PTPRG: variants seen among roughly 807,000 people sequenced by gnomAD.
PTPRG encodes receptor-type tyrosine-protein phosphatase gamma.
A neutral mutation model predicts 165.3 loss-of-function variants in PTPRG; 102 were observed. That is an observed-to-expected ratio of 0.62 (90% confidence interval 0.53 to 0.73). The LOEUF (loss-of-function observed/expected upper bound fraction) is 0.73, where lower values mean the gene tolerates loss of function less well. PTPRG is among the 30% of genes least tolerant of loss of function. PTPRG has a pLI of 0.00. For missense variants in PTPRG, 1,866 were observed against 1,861.4 expected, an observed-to-expected ratio of 1.00 and a Z score of -0.05; for synonymous variants, 675 against 669.5, an observed-to-expected ratio of 1.01 and a Z score of -0.13.
intron 10 of PTPRG, among the ~76,000 whole-genome samples, chr3:62,200,939 A>T (rs1396469580): frequency 6.6e-6 from 1 of 152,214 alleles, no homozygotes; most frequent in Non-Finnish European, 1.5e-5. Flanking sequence ...AGAAATCATG[A>T]CCAAAAAGAT....
intron 2 of PTPRG, among the ~76,000 whole-genome samples, chr3:61,798,137 A>G (rs1157446709): frequency 6.6e-6 from 1 of 152,212 alleles, no homozygotes; most frequent in Admixed American, 6.5e-5. Context: ...TCTTATAGGA[A>G]TAAACTCTCT....
At chr3:61,810,741 C>G (rs1341497808) in intron 2 of PTPRG, among the ~76,000 whole-genome samples, 1 of 152,110 alleles carries the variant, frequency 6.6e-6, no homozygotes, top group Non-Finnish European at 1.5e-5. Flanking sequence ...CATGGAGATC[C>G]AAAGAAACTA....
rs145760960 is a variant in PTPRG at position 61,734,984 on chromosome 3, G to A, written c.86-13894G>A. On this transcript the variant is annotated intron_variant, in intron 1 of 29. Coordinates refer to ENST00000474889, the MANE Select transcript of PTPRG (RefSeq NM_002841.4). The stretch of plus-strand genomic sequence containing the variant: ...TATAGCATAATTGGTCAGAGCCAGA[G>A]GAGGTTTTTGAAAAAGCATAGCCAA... 7.3e-3 allele frequency among the ~76,000 whole-genome samples: 1,106 copies of A among 152,264 alleles called. 18 individuals carry two copies. The highest frequency in any genetic ancestry group is 0.03 in the South Asian group (144 of 4,828).
At chr3:61,767,917 C>T (rs1310693663) in intron 2 of PTPRG, among the ~76,000 whole-genome samples, 2 of 142,146 alleles carry the variant, frequency 1.4e-5, no homozygotes, top group African/African-American at 5.3e-5. Context: ...CTACAGTGAG[C>T]TGTGATTGCA....
intron 1 of PTPRG, among the ~76,000 whole-genome samples, chr3:61,671,223 G>A (rs1702974593): frequency 6.6e-6 from 1 of 150,662 alleles, no homozygotes; most frequent in African/African-American, 2.4e-5. Context: ...AATAGTGGAG[G>A]GAAGGTCAGC....
intron 4 of PTPRG, among the ~76,000 whole-genome samples, chr3:62,017,455 G>A (rs1244900559): frequency 1.3e-5 from 2 of 148,654 alleles, no homozygotes; most frequent in African/African-American, 2.5e-5. Context: ...TCGCTCTTTC[G>A]CCCAGGCTGG....
At chr3:61,618,594 G>A (rs1027695934) in intron 1 of PTPRG, among the ~76,000 whole-genome samples, 4 of 151,904 alleles carry the variant, frequency 2.6e-5, no homozygotes, top group African/African-American at 9.7e-5. Context: ...TGGATGTCGA[G>A]GGGAAAAAAA....
intron 2 of PTPRG, among the ~76,000 whole-genome samples, chr3:61,851,260 A>T (rs918521293): frequency 1.3e-5 from 2 of 152,198 alleles, no homozygotes; most frequent in African/African-American, 4.8e-5. Flanking sequence ...AAAGGATTAG[A>T]TTCAGGGAAG....
chr3:61,716,272 AT>A (rs1315819663), intron 1 of PTPRG, among the ~76,000 whole-genome samples: 6 of 152,022 alleles, frequency 3.9e-5, no homozygotes. Context: ...AATTTAATGT[AT>A]TTTTTTCATG....
chr3:61,620,100 A>T (rs948189473), intron 1 of PTPRG, among the ~76,000 whole-genome samples: 1 of 152,178 alleles, frequency 6.6e-6, no homozygotes, highest in Non-Finnish European at 1.5e-5. Context: ...GTAGAATAAT[A>T]AAAGGACTTT....
At chr3:62,193,286 ATGGAG>A (rs2106812616) in intron 9 of PTPRG, among the ~76,000 whole-genome samples, 1 of 152,320 alleles carries the variant, frequency 6.6e-6, no homozygotes, top group African/African-American at 2.4e-5. Context: ...CCCTGCATAG[ATGGAG>A]TGAAGATTTC....
At chr3:61,655,500 C>G (rs187332904) in intron 1 of PTPRG, among the ~76,000 whole-genome samples, 122 of 152,216 alleles carry the variant, frequency 8.0e-4, no homozygotes, top group African/African-American at 2.7e-3. Context: ...ACATCTCAGT[C>G]AAGAAGGAGT....
intron 1 of PTPRG, among the ~76,000 whole-genome samples, chr3:61,620,554 G>C (rs980810697): frequency 3.9e-5 from 6 of 151,972 alleles, no homozygotes; most frequent in Admixed American, 6.6e-5. Flanking sequence ...TTTGTTCCTC[G>C]TCCGGTGAAT....
At chr3:62,124,451 A>T in intron 5 of PTPRG, 3 of 1,613,678 alleles carry the variant, frequency 1.9e-6, no homozygotes, top group African/African-American at 2.7e-5. Context: ...GTTCTGGGGG[A>T]TGCTGGGCAC....
At chr3:61,692,310 T>C (rs1252238443) in intron 1 of PTPRG, among the ~76,000 whole-genome samples, 2 of 152,214 alleles carry the variant, frequency 1.3e-5, no homozygotes, top group African/African-American at 2.4e-5. Flanking sequence ...AACTTTGAGC[T>C]GGGGTTTTTC....
chr3:61,914,002 A>G (rs2038869654), intron 2 of PTPRG, among the ~76,000 whole-genome samples: 1 of 152,156 alleles, frequency 6.6e-6, no homozygotes, highest in Non-Finnish European at 1.5e-5. Context: ...ACAAAAGGAA[A>G]ACCTCCCCCC....
intron 6 of PTPRG, among the ~76,000 whole-genome samples, chr3:62,138,922 C>A (rs1210917322): frequency 6.6e-6 from 1 of 152,130 alleles, no homozygotes; most frequent in African/African-American, 2.4e-5. Context: ...TGTTTGTGTA[C>A]ATACACATAT....
chr3:61,939,905 T>A (rs1259328785), intron 2 of PTPRG, among the ~76,000 whole-genome samples: 1 of 142,810 alleles, frequency 7.0e-6, no homozygotes, highest in Non-Finnish European at 1.5e-5. Flanking sequence ...GGGGTCCATG[T>A]CTTGGCTTCC....
At chr3:62,278,061 G>T (rs946415219) in intron 26 of PTPRG, among the ~76,000 whole-genome samples, 5 of 152,044 alleles carry the variant, frequency 3.3e-5, no homozygotes, top group African/African-American at 1.2e-4. Context: ...GTGTTTACAT[G>T]CATTAACTTG....
Sources: gnomAD v4.1 joint callset for allele counts (sites outside exome capture counted in the v4.1 genomes callset) on GRCh38, gnomAD v4.1.1 for gene constraint, MANE v1.5 for transcripts, NCBI Gene and HGNC (gene_info 2026-07-23, HGNC 2026-07-21) for gene names.